Variants in FAM168A observed in about 807,000 individuals in gnomAD.
FAM168A encodes the protein protein FAM168A.
In FAM168A, 3 loss-of-function variants were observed where a neutral mutation model predicts 28.5. The observed-to-expected ratio is 0.11, with a 90% confidence interval of 0.05 to 0.27. The LOEUF (loss-of-function observed/expected upper bound fraction) is 0.27. Among genes scored for constraint, FAM168A ranks in the 10% least tolerant of loss-of-function variants. The pLI is 1.00. For missense variants in FAM168A, 222 were observed against 311.5 expected, an observed-to-expected ratio of 0.71 and a Z score of 2.16; for synonymous variants, 122 against 124.2, an observed-to-expected ratio of 0.98 and a Z score of 0.12.
intron 1 of FAM168A, among the ~76,000 whole-genome samples, chr11:73,541,770 T>C (rs1943661130): frequency 6.6e-6 from 1 of 152,154 alleles, no homozygotes; most frequent in Non-Finnish European, 1.5e-5. Flanking sequence ...TGAAAATGCT[T>C]TGTGTAAACT....
rs575007954 is a variant in FAM168A at position 73,513,376 on chromosome 11, ATT to A, written c.-18-44886_-18-44885del. Among the ~76,000 whole-genome samples the A allele has an allele frequency of 2.8e-4, 40 of 143,004 alleles. 1 individual carries two copies. The highest frequency in any genetic ancestry group is 8.2e-4 in the African/African-American group (32 of 38,968). 93.8% of individuals were successfully genotyped at this position (143,004 alleles called of 152,430 possible). On this transcript the variant is annotated intron_variant, in intron 1 of 7. Coordinates refer to ENST00000356467, the MANE Select transcript of FAM168A (RefSeq NM_015159.3). ...AGGCGTCCAACACCATGCCCAGCTA[ATT>A]TTTTTTTTTTTGTATTTTTAGTAGA...
chr11:73,458,839 T>G (rs1867587963), intron 2 of FAM168A, among the ~76,000 whole-genome samples: 1 of 152,198 alleles, frequency 6.6e-6, no homozygotes, highest in African/African-American at 2.4e-5. Flanking sequence ...CTCAAACTCC[T>G]GACCTCATGA....
intron 1 of FAM168A, among the ~76,000 whole-genome samples, chr11:73,575,515 G>A (rs982788427): frequency 3.3e-5 from 5 of 152,068 alleles, no homozygotes; most frequent in African/African-American, 7.2e-5. Flanking sequence ...GTTACTAAAC[G>A]TGTCTTAACT....
At chr11:73,588,257 T>C (rs1265005027) in intron 1 of FAM168A, among the ~76,000 whole-genome samples, 1 of 152,214 alleles carries the variant, frequency 6.6e-6, no homozygotes, top group Admixed American at 6.5e-5. Flanking sequence ...TGTGAGACTG[T>C]CACTTCAACG....
chr11:73,490,567 T>TCGAA (rs1190782272), intron 1 of FAM168A, among the ~76,000 whole-genome samples: 1 of 152,198 alleles, frequency 6.6e-6, no homozygotes, highest in Non-Finnish European at 1.5e-5. Context: ...TGTTCCCTGT[T>TCGAA]CCCCTGCTAT....
intron 1 of FAM168A, among the ~76,000 whole-genome samples, chr11:73,510,463 GGTAA>G (rs1312613978): frequency 1.1e-4 from 17 of 152,052 alleles, no homozygotes; most frequent in African/African-American, 3.6e-4. Context: ...GTGGGATCTG[GGTAA>G]GTATTAGGTT....
chr11:73,596,387 C>T lies in FAM168A; in HGVS notation c.-19+1536G>A, dbSNP rs181187497. Reference sequence around the variant, plus strand: ...CTTTAGTTTGGAAGTATGCTTTTTTCCCCCAACTTACTTTTTATGATATAC... The same window carrying T: ...CTTTAGTTTGGAAGTATGCTTTTTTTCCCCAACTTACTTTTTATGATATAC... On this transcript the variant is annotated intron_variant, in intron 1 of 7. Transcript: ENST00000356467. 2.2e-4 allele frequency among the ~76,000 whole-genome samples: 33 copies of T among 152,110 alleles called. No individual in the cohort carries two copies. The East Asian group carries it at 6.2e-3, about 28-fold the overall frequency.
At chr11:73,539,379 C>T (rs1260629606) in intron 1 of FAM168A, among the ~76,000 whole-genome samples, 1 of 152,198 alleles carries the variant, frequency 6.6e-6, no homozygotes, top group Non-Finnish European at 1.5e-5. Context: ...AAGCAATTCT[C>T]CTGCCTCAGC....
chr11:73,552,588 CCTTT>C (rs1943842093), intron 1 of FAM168A, among the ~76,000 whole-genome samples: 1 of 152,116 alleles, frequency 6.6e-6, no homozygotes, highest in South Asian at 2.1e-4. Flanking sequence ...TTGCTGTTTT[CCTTT>C]CTATCTAGTA....
At chr11:73,517,764 G>GT (rs1431303703) in intron 1 of FAM168A, among the ~76,000 whole-genome samples, 1 of 152,200 alleles carries the variant, frequency 6.6e-6, no homozygotes, top group East Asian at 1.9e-4. Context: ...GACCTTCAGT[G>GT]TTTTTTAACA....
intron 1 of FAM168A, among the ~76,000 whole-genome samples, chr11:73,493,463 A>G (rs1002804005): frequency 6.6e-6 from 1 of 152,188 alleles, no homozygotes; most frequent in Non-Finnish European, 1.5e-5. Context: ...CCCAAGCTGG[A>G]CAGCAGTGGT....
At chr11:73,568,893 AC>A (rs1423328109) in intron 1 of FAM168A, among the ~76,000 whole-genome samples, 6 of 152,142 alleles carry the variant, frequency 3.9e-5, no homozygotes, top group Non-Finnish European at 7.3e-5. Flanking sequence ...AAACAAAAAA[AC>A]AAAAACAAAA....
chr11:73,446,829 C>T (rs1867324355), intron 2 of FAM168A, among the ~76,000 whole-genome samples: 2 of 152,166 alleles, frequency 1.3e-5, no homozygotes, highest in South Asian at 4.1e-4. Flanking sequence ...CCTCTCTCTC[C>T]AATCCATCCA....
intron 1 of FAM168A, among the ~76,000 whole-genome samples, chr11:73,543,750 T>C (rs913898204): frequency 1.3e-5 from 2 of 152,210 alleles, no homozygotes; most frequent in African/African-American, 4.8e-5. Flanking sequence ...GACTCTCTTA[T>C]AATCAACTAA....
intron 1 of FAM168A, among the ~76,000 whole-genome samples, chr11:73,551,314 G>T (rs1258971483): frequency 6.6e-6 from 1 of 152,176 alleles, no homozygotes; most frequent in African/African-American, 2.4e-5. Flanking sequence ...TTTGGTGGAG[G>T]TGAGACAGTA....
intron 1 of FAM168A, among the ~76,000 whole-genome samples, chr11:73,569,697 C>A (rs1944063603): frequency 6.6e-6 from 1 of 152,036 alleles, no homozygotes; most frequent in Non-Finnish European, 1.5e-5. Flanking sequence ...TGATGCGCAC[C>A]TGTGGTCTCA....
At chr11:73,589,606 A>G (rs1944358863) in intron 1 of FAM168A, among the ~76,000 whole-genome samples, 2 of 152,236 alleles carry the variant, frequency 1.3e-5, no homozygotes, top group African/African-American at 4.8e-5. Flanking sequence ...TGTAGTATCA[A>G]AGAGGAATAT....
intron 2 of FAM168A, among the ~76,000 whole-genome samples, chr11:73,442,996 A>ATATATT: frequency 7.7e-6 from 1 of 130,368 alleles, no homozygotes; most frequent in Non-Finnish European, 1.6e-5. Context: ...ATATATATAT[A>ATATATT]TGCCAAGCCT....
At position 73,446,113 on chromosome 11, in the gene FAM168A, G is replaced by T. The variant is rs192506216; in HGVS notation, c.71-15343C>A. Among the ~76,000 whole-genome samples the T allele has an allele frequency of 1.9e-4, 29 of 152,344 alleles. No individual in the cohort carries two copies. In the East Asian group the frequency reaches 5.0e-3, roughly 26 times the overall value. ...CAATGCAAATGACACTGTGTACTCT[G>T]TGGGATTGAATTAGAAGGTACATTG... On this transcript the variant is annotated intron_variant, in intron 2 of 7. Transcript: ENST00000356467.
Sources: gnomAD v4.1 joint callset for allele counts (sites outside exome capture counted in the v4.1 genomes callset) on GRCh38, gnomAD v4.1.1 for gene constraint, MANE v1.5 for transcripts, NCBI Gene and HGNC (gene_info 2026-07-23, HGNC 2026-07-21) for gene names.